The following PARG variants were observed in gnomAD, a reference collection of about 807,000 sequenced individuals.
The protein encoded by PARG is poly(ADP-ribose) glycohydrolase.
Under a neutral mutation model 113.0 loss-of-function variants are expected in PARG, and 35 were observed. That is an observed-to-expected ratio of 0.31 (90% CI 0.24 to 0.41). The LOEUF (loss-of-function observed/expected upper bound fraction) is 0.41, where lower values mean the gene tolerates loss of function less well. PARG is among the 10% of genes least tolerant of loss of function. PARG has a pLI of 1.00. For synonymous variants in PARG, 330 were observed against 409.9 expected (o/e 0.81, Z 2.36); for missense variants, 797 against 1,169.4 (o/e 0.68, Z 4.64).
intron 6 of PARG, among the ~76,000 whole-genome samples, chr10:49,921,097 T>C (rs1348102703): frequency 1.3e-5 from 2 of 152,002 alleles, no homozygotes; most frequent in African/African-American, 4.8e-5. Flanking sequence ...GGTTTTAGGG[T>C]CTAAGGAGTG....
At chr10:49,913,056 A>G (rs1837286773) in intron 7 of PARG, among the ~76,000 whole-genome samples, 1 of 152,232 alleles carries the variant, frequency 6.6e-6, no homozygotes, top group African/African-American at 2.4e-5. Context: ...CAAAGCAAAC[A>G]ATTGTTTCCC....
intron 6 of PARG, among the ~76,000 whole-genome samples, chr10:49,922,072 T>C (rs1837904467): frequency 6.6e-6 from 1 of 152,202 alleles, no homozygotes; most frequent in Admixed American, 6.5e-5. Flanking sequence ...AAGCTTGCAC[T>C]GAAGGAAATT....
intron 7 of PARG, among the ~76,000 whole-genome samples, chr10:49,887,931 CTTTCTTTTATCTGT>C (rs1847577653): frequency 6.6e-6 from 1 of 152,096 alleles, no homozygotes; most frequent in African/African-American, 2.4e-5. Context: ...ATTTCATTTT[CTTTCTTTTATCTGT>C]TTTCTTTTCC....
chr10:49,862,587 TTCTG>T (rs1564619778), intron 11 of PARG, among the ~76,000 whole-genome samples: 1 of 150,896 alleles, frequency 6.6e-6, no homozygotes, highest in East Asian at 1.9e-4. Context: ...TCTGCACAGG[TTCTG>T]TCTAAGAGCC....
At chr10:49,940,871 TC>T (rs1157251077) in intron 1 of PARG, among the ~76,000 whole-genome samples, 3 of 152,158 alleles carry the variant, frequency 2.0e-5, no homozygotes, top group Non-Finnish European at 4.4e-5. Context: ...TTCATCTAAC[TC>T]CTACTCATTC....
chr10:49,891,617 A>G (rs1432184727), intron 7 of PARG, among the ~76,000 whole-genome samples: 1 of 48,324 alleles, frequency 2.1e-5, no homozygotes, highest in Non-Finnish European at 3.6e-5. Flanking sequence ...ATATATATAT[A>G]TATATATTTT....
intron 15 of PARG, among the ~76,000 whole-genome samples, chr10:49,836,151 A>G (rs1375777841): frequency 6.6e-6 from 1 of 152,156 alleles, no homozygotes; most frequent in Non-Finnish European, 1.5e-5. Flanking sequence ...ATTATCATGT[A>G]AATACATTAT....
intron 7 of PARG, among the ~76,000 whole-genome samples, chr10:49,891,708 C>T (rs1406220867): frequency 3.8e-4 from 55 of 144,966 alleles, no homozygotes; most frequent in Non-Finnish European, 2.4e-4. Flanking sequence ...CAGCTCACTG[C>T]AACCTCCACC....
At chr10:49,860,020 T>A (rs1846180061) in intron 12 of PARG, among the ~76,000 whole-genome samples, 1 of 152,162 alleles carries the variant, frequency 6.6e-6, no homozygotes, top group Non-Finnish European at 1.5e-5. Flanking sequence ...ATGATAAAGC[T>A]CCTCAGAGAG....
intron 7 of PARG, 37 bp downstream of exon 7, chr10:49,915,880 C>T: frequency 9.4e-7 from 1 of 1,066,454 alleles, no homozygotes; most frequent in Admixed American, 2.0e-5. Flanking sequence ...ATTGAGTTGT[C>T]AATAATATTT....
chr10:49,926,511 A>C (rs1283150607), intron 4 of PARG, among the ~76,000 whole-genome samples: 1 of 152,246 alleles, frequency 6.6e-6, no homozygotes, highest in South Asian at 2.1e-4. Context: ...CGCCAAATGG[A>C]AAGTGCCAAC....
At chr10:49,888,106 A>G (rs1847586273) in intron 7 of PARG, among the ~76,000 whole-genome samples, 1 of 152,162 alleles carries the variant, frequency 6.6e-6, no homozygotes, top group Non-Finnish European at 1.5e-5. Flanking sequence ...TACTGGTGTC[A>G]ACATTTCACC....
Position 49,932,074 on chromosome 10 carries a change from C to G in PARG, c.1455+26G>C. The G allele has an allele frequency of 3.1e-6, 4 of 1,272,178 alleles. No homozygotes were observed. In the South Asian group the frequency reaches 3.6e-5, roughly 11 times the overall value. 78.8% of individuals were successfully genotyped at this position (1,272,178 alleles called of 1,614,324 possible). A position where few individuals can be genotyped will look rare whatever the true frequency, so the allele number is the denominator to read the frequency against. ...TAAATAAGGACTTCCAGTCTTCTCT[C>G]ATCATAGATAAGAGGTGCTACCTAC... On this transcript the variant is annotated intron_variant, in intron 4 of 17. Coordinates refer to ENST00000616448, the MANE Select transcript of PARG (RefSeq NM_003631.5).
chr10:49,932,403 C>G (rs1342637040), intron 3 of PARG, 120 bp from the exon 4 acceptor site: 1 of 677,156 alleles, frequency 1.5e-6, no homozygotes, highest in East Asian at 2.6e-5. Flanking sequence ...TGGTCACTCA[C>G]TTCGTTATGT....
intron 8 of PARG, among the ~76,000 whole-genome samples, chr10:49,880,770 AAC>A (rs1270832041): frequency 4.6e-5 from 7 of 152,140 alleles, no homozygotes; most frequent in Admixed American, 1.3e-4. Context: ...TTAACAAGAA[AAC>A]AGAGACCTTA....
chr10:49,843,713 TTC>T, intron 13 of PARG, 81 bp from the exon 14 acceptor site: 1 of 948,032 alleles, frequency 1.1e-6, no homozygotes. Context: ...CAAGAATAAC[TTC>T]TGTTTAGCAC....
chr10:49,828,847 C>T (rs1844505136), intron 16 of PARG, among the ~76,000 whole-genome samples: 1 of 152,090 alleles, frequency 6.6e-6, no homozygotes, highest in Non-Finnish European at 1.5e-5. Flanking sequence ...TGCACCCTAG[C>T]CTGGGTGACA....
intron 9 of PARG, among the ~76,000 whole-genome samples, chr10:49,878,402 G>A (rs1554838772): frequency 6.7e-6 from 1 of 148,658 alleles, no homozygotes; most frequent in Non-Finnish European, 1.5e-5. Context: ...CAGATCACCT[G>A]GGGTCAGGAG....
At chr10:49,888,233 A>G (rs561439213) in intron 7 of PARG, among the ~76,000 whole-genome samples, 1 of 152,008 alleles carries the variant, frequency 6.6e-6, no homozygotes, top group South Asian at 2.1e-4. Flanking sequence ...AATATTTGAA[A>G]ACAGTGAAAA....
Sources: allele counts gnomAD v4.1 joint callset (sites outside exome capture counted in the v4.1 genomes callset), GRCh38; gene constraint gnomAD v4.1.1; transcripts MANE v1.5; gene names NCBI Gene and HGNC (gene_info 2026-07-23, HGNC 2026-07-21).